Variants in MAP2K2 observed in about 807,000 individuals in gnomAD.
MAP2K2 encodes the protein dual specificity mitogen-activated protein kinase kinase 2.
MAP2K2 carries 24 observed loss-of-function variants against 43.7 expected under a neutral mutation model. That is an observed-to-expected ratio of 0.55 (90% confidence interval 0.40 to 0.77). The LOEUF is 0.77. MAP2K2 is among the 30% of genes least tolerant of loss of function. The pLI, the probability that MAP2K2 is intolerant of heterozygous loss-of-function variation, is 0.00. For synonymous variants in MAP2K2, 244 were observed against 239.7 expected, an observed-to-expected ratio of 1.02 and a Z score of -0.17; for missense variants, 470 against 566.8, an observed-to-expected ratio of 0.83 and a Z score of 1.73.
At chr19:4,118,014 T>C (rs563429671) in intron 1 of MAP2K2, among the ~76,000 whole-genome samples, 1 of 152,216 alleles carries the variant, frequency 6.6e-6, no homozygotes, top group South Asian at 2.1e-4. Flanking sequence ...CTCGGCTCCC[T>C]GCAACCTTGG....
At chr19:4,111,998 A>C (rs1238521158) in intron 2 of MAP2K2, among the ~76,000 whole-genome samples, 1 of 151,464 alleles carries the variant, frequency 6.6e-6, no homozygotes, top group Non-Finnish European at 1.5e-5. Context: ...AACAACAACA[A>C]AAACACCACG....
intron 3 of MAP2K2, among the ~76,000 whole-genome samples, chr19:4,108,621 T>A (rs1220731806): frequency 6.6e-6 from 1 of 152,082 alleles, no homozygotes; most frequent in Non-Finnish European, 1.5e-5. Context: ...TCCTGCAGCC[T>A]GGTGGTCTGT....
intron 8 of MAP2K2, among the ~76,000 whole-genome samples, chr19:4,095,693 G>A (rs935840919): frequency 5.3e-5 from 8 of 151,916 alleles, no homozygotes; most frequent in South Asian, 2.1e-4. Context: ...ACAACCTCTC[G>A]AGTGTCGTCA....
chr19:4,098,013 G>A (rs2040945643), intron 7 of MAP2K2, among the ~76,000 whole-genome samples: 1 of 152,170 alleles, frequency 6.6e-6, no homozygotes, highest in Non-Finnish European at 1.5e-5. Flanking sequence ...AGAGGAGGAG[G>A]TGGGCTTGCC....
intron 1 of MAP2K2, among the ~76,000 whole-genome samples, chr19:4,122,867 T>C (rs1207568584): frequency 1.3e-5 from 2 of 151,538 alleles, no homozygotes; most frequent in African/African-American, 4.9e-5. Context: ...TATCTCATTA[T>C]TGAGGGACCC....
intron 3 of MAP2K2, among the ~76,000 whole-genome samples, chr19:4,108,939 G>A (rs753017327): frequency 4.6e-5 from 7 of 152,298 alleles, no homozygotes; most frequent in East Asian, 3.9e-4. Flanking sequence ...TGATGCCGCC[G>A]GCAACGTGAC....
At chr19:4,097,239 A>G in intron 8 of MAP2K2, 40 bp downstream of exon 8, 1 of 1,416,788 alleles carries the variant, frequency 7.1e-7, no homozygotes, top group Non-Finnish European at 9.8e-7. Context: ...GAAAGAAGAA[A>G]GAAAAGGAAA....
chr19:4,121,176 C>T (rs1276028090), intron 1 of MAP2K2, among the ~76,000 whole-genome samples: 1 of 151,946 alleles, frequency 6.6e-6, no homozygotes, highest in African/African-American at 2.4e-5. Context: ...CAGTGCGATT[C>T]TGCCAGCACG....
intron 9 of MAP2K2, 200 bp downstream of exon 9, chr19:4,095,188 G>T: frequency 1.7e-6 from 1 of 576,192 alleles, no homozygotes; most frequent in Non-Finnish European, 3.1e-6. Context: ...CTGGGCTCAC[G>T]GACAGGATGG....
chr19:4,112,818 C>T (rs2041171423), intron 2 of MAP2K2, among the ~76,000 whole-genome samples: 1 of 152,236 alleles, frequency 6.6e-6, no homozygotes, highest in Non-Finnish European at 1.5e-5. Context: ...ATGCTCTCCC[C>T]TCCAGCCAGG....
intron 7 of MAP2K2, 114 bp downstream of exon 7, chr19:4,099,087 A>C: frequency 1.1e-6 from 1 of 882,626 alleles, no homozygotes; most frequent in Admixed American, 2.2e-5. Flanking sequence ...GGCACCATCC[A>C]GGGGGACAGG....
chr19:4,094,733 G>A (rs896468721), intron 9 of MAP2K2: 8 of 566,104 alleles, frequency 1.4e-5, no homozygotes, highest in African/African-American at 1.9e-5. Context: ...GGGTGAGAGG[G>A]AAAGAGGGTG....
At position 4,099,361 on chromosome 19, in the gene MAP2K2, C is replaced by T. The variant is rs2145050312; in HGVS notation, c.759G>A (p.Met253Ile). Residue 253 changes from methionine (M) to isoleucine (I), a missense_variant, in exon 7 of 11, where the codon ATG (methionine) becomes ATA (isoleucine). By Grantham distance (10) the Met-to-Ile change is conservative. Around this residue, in one of 3 missense-constraint regions of MAP2K2, gnomAD observed 212 missense variants for 220.8 expected, o/e 0.96. Transcript: ENST00000262948. Reference sequence around the variant, plus strand: ...CGGCCAGCTCCACCAGGGACAGGCCCATGCTCCAGATGTCCGACTGCACCG... The same window carrying T: ...CGGCCAGCTCCACCAGGGACAGGCCTATGCTCCAGATGTCCGACTGCACCG... ...HYSVQSDIWS[M>I]GLSLVELAVG... 6.2e-7 allele frequency: 1 copy of T among 1,611,902 alleles called. No homozygotes were observed. Among genetic ancestry groups the T allele is most frequent in the Non-Finnish European group, 8.5e-7 (1 of 1,179,350 alleles).
At chr19:4,108,924 C>A (rs930485380) in intron 3 of MAP2K2, among the ~76,000 whole-genome samples, 1 of 152,186 alleles carries the variant, frequency 6.6e-6, no homozygotes, top group South Asian at 2.1e-4. Context: ...CCTTTCCTCG[C>A]CCTTTGATGC....
chr19:4,110,420 G>C, intron 3 of MAP2K2, 89 bp downstream of exon 3: 4 of 1,542,186 alleles, frequency 2.6e-6, no homozygotes, highest in Non-Finnish European at 3.5e-6. Flanking sequence ...TTGCCTCTGA[G>C]GAAAGGGGCC....
chr19:4,119,732 A>AGT (rs1458613451), intron 1 of MAP2K2, among the ~76,000 whole-genome samples: 2 of 152,234 alleles, frequency 1.3e-5, no homozygotes, highest in Non-Finnish European at 2.9e-5. Context: ...TCAACCAGGC[A>AGT]GTGCAGCTTT....
rs368233443 is a variant in MAP2K2 at position 4,123,843 on chromosome 19, C to T, written c.33G>A (p.Ala11=). 3.2e-4 allele frequency: 495 copies of T among 1,529,584 alleles called. No homozygotes were observed. The highest frequency in any genetic ancestry group is 4.1e-4 in the Non-Finnish European group (471 of 1,141,618). The allele number at this position is 1,529,584 out of a possible 1,614,324, so 94.8% of individuals were successfully genotyped here. A position where few individuals can be genotyped will look rare whatever the true frequency, so the allele number is the denominator to read the frequency against. The change falls in exon 1 of 11, where the codon GCG becomes GCA. Residue 11 remains alanine, a synonymous_variant. Transcript: ENST00000262948. Reference sequence around the variant, plus strand: ...CGGCGATGGTAGGGTTGATGGTGAGCGCCGGCAGCACCGGCTTCCTCCGGG... The same window carrying T: ...CGGCGATGGTAGGGTTGATGGTGAGTGCCGGCAGCACCGGCTTCCTCCGGG... MLARRKPVLP[A]LTINPTIAEG... is the part of the protein sequence containing the mutation.
chr19:4,103,242 G>C, intron 3 of MAP2K2: 4 of 985,826 alleles, frequency 4.1e-6, no homozygotes, highest in Non-Finnish European at 4.8e-6. Flanking sequence ...GGGTAGGCTG[G>C]TCCCCGGGTG....
rs1232190827 is a variant in MAP2K2 at position 4,099,415 on chromosome 19, C to A, written c.706-1G>T. ...AATGTGTGCCCTGCAACCGCTCCGG[C>A]TGCAGCAGAGCCAGGGAGGAAAGAG... On this transcript the variant is annotated splice_acceptor_variant, in intron 6 of 10. Transcript: ENST00000262948. LOFTEE classifies it high-confidence loss of function. 2.5e-6 allele frequency: 4 copies of A among 1,598,324 alleles called. No individual in the cohort carries two copies. The Admixed American group carries it at 6.9e-5, about 28-fold the overall frequency.
Sources: allele counts gnomAD v4.1 joint callset (sites outside exome capture counted in the v4.1 genomes callset), GRCh38; gene constraint gnomAD v4.1.1; regional missense constraint gnomAD v4.1.1; transcripts MANE v1.5; gene names NCBI Gene and HGNC (gene_info 2026-07-23, HGNC 2026-07-21).